Variants in RCC2 observed in about 807,000 individuals in gnomAD.
The protein encoded by RCC2 is regulator of chromosome condensation 2, also known as protein RCC2.
A neutral mutation model predicts 64.1 loss-of-function variants in RCC2; 19 were observed. The observed-to-expected ratio is 0.30, with a 90% confidence interval of 0.21 to 0.44. RCC2 has a LOEUF of 0.44. Ranked by LOEUF, RCC2 falls within the 20% of genes least tolerant of loss-of-function variation. The pLI, the probability that RCC2 is intolerant of heterozygous loss-of-function variation, is 1.00. For synonymous variants in RCC2, 325 were observed against 279.6 expected (o/e 1.16, Z -1.62); for missense variants, 508 against 710.4 (o/e 0.72, Z 3.24).
At position 17,431,098 on chromosome 1, in the gene RCC2, T is replaced by A. The variant is rs549193081; in HGVS notation, c.286-1899A>T. Reference sequence around the variant, plus strand: ...CTGTAATCCCAGCACTTTGGGACGCTGAGGCAAGCAGATCACGAGGTCAGG... The same window carrying A: ...CTGTAATCCCAGCACTTTGGGACGCAGAGGCAAGCAGATCACGAGGTCAGG... On this transcript the variant is annotated intron_variant, in intron 2 of 12. Coordinates refer to ENST00000375436, the MANE Select transcript of RCC2 (RefSeq NM_018715.4). Among the ~76,000 whole-genome samples the A allele has an allele frequency of 5.3e-5, 8 of 150,880 alleles. No homozygotes were observed. In the South Asian group the frequency reaches 1.7e-3, roughly 32 times the overall value.
At chr1:17,430,176 G>C (rs1378730994) in intron 2 of RCC2, among the ~76,000 whole-genome samples, 1 of 152,180 alleles carries the variant, frequency 6.6e-6, no homozygotes, top group Non-Finnish European at 1.5e-5. Flanking sequence ...GACGTGAAAA[G>C]GAAAGGGGTT....
intron 4 of RCC2, among the ~76,000 whole-genome samples, chr1:17,424,616 T>C (rs1203141521): frequency 6.6e-6 from 1 of 152,160 alleles, no homozygotes; most frequent in Non-Finnish European, 1.5e-5. Context: ...AGACAACAGA[T>C]GTTAATATAT....
intron 10 of RCC2, among the ~76,000 whole-genome samples, chr1:17,412,412 G>T (rs57188450): frequency 6.6e-6 from 1 of 152,202 alleles, no homozygotes; most frequent in African/African-American, 2.4e-5. Flanking sequence ...CCCTTAGACA[G>T]GCCTAGGGGC....
intron 2 of RCC2, among the ~76,000 whole-genome samples, chr1:17,436,899 C>T (rs1315110748): frequency 6.6e-6 from 1 of 152,194 alleles, no homozygotes; most frequent in South Asian, 2.1e-4. Context: ...TTCCTGTGTT[C>T]CAGTTTCTCA....
chr1:17,439,331 T>C (rs1232348008), intron 1 of RCC2, among the ~76,000 whole-genome samples: 4 of 55,410 alleles, frequency 7.2e-5, no homozygotes, highest in Non-Finnish European at 1.3e-4. Context: ...CCCTGTCTGC[T>C]TTTTTTTTTT....
chr1:17,424,700 T>C (rs1570192739), intron 4 of RCC2, among the ~76,000 whole-genome samples: 1 of 152,196 alleles, frequency 6.6e-6, no homozygotes, highest in East Asian at 1.9e-4. Flanking sequence ...TGCAGTCATA[T>C]GGACTAAAAG....
intron 2 of RCC2, among the ~76,000 whole-genome samples, chr1:17,434,746 C>T (rs554363715): frequency 3.6e-4 from 55 of 152,310 alleles, no homozygotes; most frequent in Admixed American, 7.2e-4. Flanking sequence ...GACACCCAGC[C>T]GGTGTGTGCT....
chr1:17,431,499 C>CA (rs558362245), intron 2 of RCC2, among the ~76,000 whole-genome samples: 2,683 of 57,866 alleles, frequency 0.046, 115 homozygotes, highest in Non-Finnish European at 0.058. Flanking sequence ...AGCCCTGTCT[C>CA]AAAAAAAAAA....
intron 2 of RCC2, among the ~76,000 whole-genome samples, chr1:17,432,504 G>A (rs1026462538): frequency 9.2e-5 from 14 of 152,202 alleles, no homozygotes; most frequent in Non-Finnish European, 1.9e-4. Flanking sequence ...CCAGGCAGGC[G>A]GAGGTTCATG....
At chr1:17,433,032 A>G (rs1260957198) in intron 2 of RCC2, among the ~76,000 whole-genome samples, 2 of 152,182 alleles carry the variant, frequency 1.3e-5, no homozygotes, top group African/African-American at 4.8e-5. Context: ...ACACACACAC[A>G]CACATATACA....
chr1:17,437,778 CCGCCCCCTCCCCGCGGCGCCCGGG>C (rs2075753666), intron 2 of RCC2, among the ~76,000 whole-genome samples: 1 of 147,234 alleles, frequency 6.8e-6, no homozygotes, highest in African/African-American at 2.4e-5. Flanking sequence ...AGAGCGCCGG[CCGCCCCCTCCCCGCGGCGCCCGGG>C]CGCAGCGGCG....
At position 17,422,566 on chromosome 1, in the gene RCC2, A is replaced by G. The variant is rs1460592447; in HGVS notation, c.655+139T>C. On this transcript the variant is annotated intron_variant, in intron 5 of 12. Transcript: ENST00000375436. ...CCCAATGCCCTCAAGAAGCCACTCC[A>G]TGCCAAGGTTCTCAGGGCCTCTTTC... 1.4e-5 allele frequency: 17 copies of G among 1,184,352 alleles called. No individual in the cohort carries two copies. In the East Asian group the frequency reaches 4.3e-4, roughly 30 times the overall value. 73.4% of individuals were successfully genotyped at this position (1,184,352 alleles called of 1,614,324 possible). A position where few individuals can be genotyped will look rare whatever the true frequency, so the allele number is the denominator to read the frequency against.
At chr1:17,437,833 G>A (rs1171851326) in intron 2 of RCC2, among the ~76,000 whole-genome samples, 1 of 146,046 alleles carries the variant, frequency 6.8e-6, no homozygotes, top group African/African-American at 2.5e-5. Context: ...TGTGGGGCCC[G>A]CTGGCCGCCC....
At chr1:17,425,118 C>T (rs1214470201) in intron 4 of RCC2, among the ~76,000 whole-genome samples, 3 of 151,984 alleles carry the variant, frequency 2.0e-5, no homozygotes, top group Non-Finnish European at 4.4e-5. Context: ...TGACATGAGG[C>T]GGGAGGTAGA....
Position 17,407,050 on chromosome 1 carries a change from A to AC in RCC2, c.*2039dup, listed in dbSNP as rs1439231903. On this transcript the variant is annotated 3_prime_UTR_variant, in exon 13 of 13. Coordinates refer to ENST00000375436, the MANE Select transcript of RCC2 (RefSeq NM_018715.4). The stretch of plus-strand genomic sequence containing the variant: ...ACAACTCCTTGTTTTAAAGGATTTA[A>AC]CCCATTAGGAAGCCCATTTTTCAAT... The AC allele has an allele frequency of 6.6e-6, 1 of 152,194 alleles. No homozygotes were observed. The highest frequency in any genetic ancestry group is 1.5e-5 in the Non-Finnish European group (1 of 68,036). The allele number at this position is 152,194 out of a possible 1,614,324, so 9.4% of individuals were successfully genotyped here.
chr1:17,431,553 A>C (rs78781604), intron 2 of RCC2, among the ~76,000 whole-genome samples: 2 of 148,496 alleles, frequency 1.3e-5, no homozygotes, highest in East Asian at 4.0e-4. Flanking sequence ...GGGCAGCTCC[A>C]GGCCCAATCA....
intron 11 of RCC2, 85 bp downstream of exon 11, chr1:17,412,037 T>C: frequency 8.4e-7 from 1 of 1,192,262 alleles, no homozygotes; most frequent in Non-Finnish European, 1.2e-6. Context: ...CTGTGTGTTT[T>C]GGGAGACAGG....
intron 4 of RCC2, among the ~76,000 whole-genome samples, chr1:17,425,065 A>G (rs1378175437): frequency 2.0e-5 from 3 of 152,188 alleles, no homozygotes; most frequent in African/African-American, 7.2e-5. Context: ...ACTTGGGCAG[A>G]CCTCAGACAC....
At chr1:17,424,968 A>G (rs914751663) in intron 4 of RCC2, among the ~76,000 whole-genome samples, 7 of 152,216 alleles carry the variant, frequency 4.6e-5, no homozygotes, top group African/African-American at 1.7e-4. Context: ...AAAGCCGAAC[A>G]ACTCCAAAAA....
Sources: gnomAD v4.1 joint callset for allele counts (sites outside exome capture counted in the v4.1 genomes callset) on GRCh38, gnomAD v4.1.1 for gene constraint, MANE v1.5 for transcripts, NCBI Gene and HGNC (gene_info 2026-07-23, HGNC 2026-07-21) for gene names.